The following LRRIQ1 variants were observed in gnomAD, a reference collection of about 807,000 sequenced individuals.
The protein encoded by LRRIQ1 is leucine-rich repeat- and IQ domain-containing protein 1.
A neutral mutation model predicts 211.9 loss-of-function variants in LRRIQ1; 210 were observed. The ratio of observed to expected loss-of-function variants is 0.99; its 90% CI spans 0.89 to 1.11. The LOEUF is 1.11. Ranked by LOEUF, LRRIQ1 falls within the 50% of genes most tolerant of loss-of-function variation. The pLI is 0.00. For synonymous variants in LRRIQ1, 699 were observed against 650.1 expected (o/e 1.08, Z -1.14); for missense variants, 2,136 against 1,939.5 (o/e 1.10, Z -1.90).
At chr12:85,256,166 A>G (rs1230148271) in intron 1 of LRRIQ1, among the ~76,000 whole-genome samples, 1 of 151,658 alleles carries the variant, frequency 6.6e-6, no homozygotes, top group Non-Finnish European at 1.5e-5. Context: ...CGAGAAAAAG[A>G]CAAATTTCAT....
At chr12:85,256,151 A>G (rs1187416948) in intron 1 of LRRIQ1, among the ~76,000 whole-genome samples, 1 of 151,646 alleles carries the variant, frequency 6.6e-6, no homozygotes, top group African/African-American at 2.4e-5. Flanking sequence ...AGCAGTTGAC[A>G]TTATCGAGAA....
chr12:85,040,135 C>A (rs1378824089), intron 2 of LRRIQ1, among the ~76,000 whole-genome samples: 1 of 151,368 alleles, frequency 6.6e-6, no homozygotes, highest in Admixed American at 6.6e-5. Flanking sequence ...AATAATCTTG[C>A]AGTTTTGATT....
At chr12:85,210,525 C>A (rs983772210) in intron 24 of LRRIQ1, among the ~76,000 whole-genome samples, 6 of 151,988 alleles carry the variant, frequency 3.9e-5, no homozygotes, top group Non-Finnish European at 7.4e-5. Flanking sequence ...ATTAAGAAAA[C>A]AGTTTTATCA....
rs748916529 is a variant in LRRIQ1 at position 85,124,427 on chromosome 12, C to T, written c.3915C>T (p.Ser1305=). ...VCQKREDSKA[S]SIPTIRIPFK... ...AGAAGAGAGAAGACAGCAAGGCAAG[C>T]AGTATTCCCACCATAAGAATCCCAT... Residue 1305 remains serine (S), a synonymous_variant, in exon 17 of 27, where the codon AGC becomes AGT. Transcript: ENST00000393217. 2 of 1,613,922 alleles carry T rather than the reference C, an allele frequency of 1.2e-6. No individual in the cohort carries two copies. The highest frequency in any genetic ancestry group is 1.7e-6 in the Non-Finnish European group (2 of 1,179,982).
intron 24 of LRRIQ1, among the ~76,000 whole-genome samples, chr12:85,173,662 A>AAGAG (rs148337131): frequency 5.4e-5 from 8 of 148,434 alleles, no homozygotes; most frequent in Middle Eastern, 3.5e-3. Flanking sequence ...CACACACAGA[A>AAGAG]AGAGAGAGAG....
chr12:85,174,852 G>T (rs571963735), intron 24 of LRRIQ1, among the ~76,000 whole-genome samples: 15 of 152,080 alleles, frequency 9.9e-5, no homozygotes, highest in African/African-American at 3.6e-4. Context: ...CTAAATGTTA[G>T]GAAAATGAAT....
intron 23 of LRRIQ1, 38 bp downstream of exon 23, chr12:85,154,132 G>A: frequency 8.6e-7 from 1 of 1,156,958 alleles, no homozygotes; most frequent in Non-Finnish European, 1.2e-6. Context: ...AACTGTGTAT[G>A]GAAAATTGAA....
chr12:85,102,949 AAAAAAAAAAAAT>A (rs1480114165), intron 13 of LRRIQ1, among the ~76,000 whole-genome samples: 1 of 106,248 alleles, frequency 9.4e-6, no homozygotes, highest in East Asian at 3.9e-4. Context: ...TGTGGCAAAA[AAAAAAAAAAAAT>A]ATATATATAT....
chr12:85,039,338 A>G (rs1459834657), intron 2 of LRRIQ1, among the ~76,000 whole-genome samples: 1 of 151,560 alleles, frequency 6.6e-6, no homozygotes, highest in East Asian at 1.9e-4. Context: ...GGATTTACAG[A>G]TTATGAACTA....
At chr12:85,071,390 A>G (rs905126493) in intron 10 of LRRIQ1, among the ~76,000 whole-genome samples, 3 of 151,978 alleles carry the variant, frequency 2.0e-5, no homozygotes, top group African/African-American at 7.2e-5. Context: ...ATAGCTACTT[A>G]ATATTCTATT....
Position 85,098,381 on chromosome 12 carries a change from C to G in LRRIQ1, c.2914C>G (p.Gln972Glu). The G allele has an allele frequency of 2.5e-6, 4 of 1,607,890 alleles. No individual in the cohort carries two copies. The highest frequency in any genetic ancestry group is 2.2e-5 in the South Asian group (2 of 90,460). The change falls in exon 12 of 27, where the codon CAA becomes GAA. Residue 972 changes from glutamine (Q) to glutamate (E), a missense_variant. Physicochemically the swap from Gln to Glu is conservative, Grantham distance 29. Transcript: ENST00000393217. Reference protein sequence around the residue: ...NCGLESLKNLQQLILDHNQLI... With the variant: ...NCGLESLKNLEQLILDHNQLI... ...TGGTTTAGAATCTTTGAAAAATCTT[C>G]AACAACTAATTTTGGACCACAATCA...
chr12:85,259,130 G>C (rs1896210623), intron 1 of LRRIQ1, among the ~76,000 whole-genome samples: 1 of 151,976 alleles, frequency 6.6e-6, no homozygotes, highest in Non-Finnish European at 1.5e-5. Context: ...AGCAATTGAT[G>C]AGTTGATTTA....
chr12:85,181,300 A>G (rs899654229), intron 24 of LRRIQ1, among the ~76,000 whole-genome samples: 1 of 151,920 alleles, frequency 6.6e-6, no homozygotes, highest in African/African-American at 2.4e-5. Flanking sequence ...ATTTTTCATG[A>G]AGAATAGAAA....
At chr12:85,136,684 T>A (rs963565250) in intron 18 of LRRIQ1, among the ~76,000 whole-genome samples, 4 of 151,588 alleles carry the variant, frequency 2.6e-5, no homozygotes, top group Non-Finnish European at 4.4e-5. Context: ...CACTTTGCTC[T>A]CTCTCTCTTT....
At chr12:85,055,144 GTCT>G (rs2135977769) in intron 7 of LRRIQ1, among the ~76,000 whole-genome samples, 1 of 152,172 alleles carries the variant, frequency 6.6e-6, no homozygotes, top group South Asian at 2.1e-4. Flanking sequence ...CTAGCTCTGA[GTCT>G]TCTTTATCAG....
At chr12:85,195,415 A>G (rs1209776409) in intron 24 of LRRIQ1, among the ~76,000 whole-genome samples, 1 of 151,828 alleles carries the variant, frequency 6.6e-6, no homozygotes, top group Non-Finnish European at 1.5e-5. Flanking sequence ...CATTGATGCA[A>G]AAATCCTCAA....
chr12:85,253,482 C>G (rs892302391), intron 1 of LRRIQ1, among the ~76,000 whole-genome samples: 1 of 151,966 alleles, frequency 6.6e-6, no homozygotes, highest in African/African-American at 2.4e-5. Flanking sequence ...TCTAAGGAAC[C>G]TTTCAACACA....
chr12:85,236,830 C>CATATATATATATATCTATCTATCTATAT, intron 26 of LRRIQ1, among the ~76,000 whole-genome samples: 1 of 108,802 alleles, frequency 9.2e-6, no homozygotes, highest in African/African-American at 4.5e-5. Flanking sequence ...TGTATGTGTG[C>CATATATATATATATCTATCTATCTATAT]ATATATATAT....
chr12:85,135,770 C>T (rs1222706294), intron 18 of LRRIQ1, among the ~76,000 whole-genome samples: 4 of 85,702 alleles, frequency 4.7e-5, no homozygotes, highest in Non-Finnish European at 1.0e-4. Context: ...TAAAATTGTC[C>T]TTGCTTTCTA....
Sources: allele counts gnomAD v4.1 joint callset (sites outside exome capture counted in the v4.1 genomes callset), GRCh38; gene constraint gnomAD v4.1.1; transcripts MANE v1.5; gene names NCBI Gene and HGNC (gene_info 2026-07-23, HGNC 2026-07-21).